Variants in HS3ST4 observed in about 807,000 individuals in gnomAD.
HS3ST4 encodes the protein heparan sulfate-glucosamine 3-sulfotransferase 4, also known as heparan sulfate glucosamine 3-O-sulfotransferase 4.
A neutral mutation model predicts 29.2 loss-of-function variants in HS3ST4; 17 were observed. The ratio of observed to expected loss-of-function variants is 0.58; its 90% CI spans 0.40 to 0.87. The LOEUF is 0.87. Among genes scored for constraint, HS3ST4 ranks in the 40% least tolerant of loss-of-function variants. The pLI is 0.00. For missense variants in HS3ST4, 627 were observed against 634.5 expected, an observed-to-expected ratio of 0.99 and a Z score of 0.13; for synonymous variants, 314 against 285.7, an observed-to-expected ratio of 1.10 and a Z score of -1.00.
chr16:25,844,822 C>T (rs1244354549), intron 1 of HS3ST4, among the ~76,000 whole-genome samples: 1 of 152,134 alleles, frequency 6.6e-6, no homozygotes, highest in Non-Finnish European at 1.5e-5. Context: ...CAATGATAAA[C>T]TGGATAAAGA....
chr16:25,724,049 G>A (rs1313816701), intron 1 of HS3ST4, among the ~76,000 whole-genome samples: 1 of 150,850 alleles, frequency 6.6e-6, no homozygotes, highest in Middle Eastern at 3.5e-3. Context: ...AGGAGGTGGA[G>A]GTTGCAGAGA....
chr16:25,808,221 C>T (rs1206816646), intron 1 of HS3ST4, among the ~76,000 whole-genome samples: 1 of 152,142 alleles, frequency 6.6e-6, no homozygotes, highest in African/African-American at 2.4e-5. Context: ...ATCCCAAAGA[C>T]TTTCATCTAT....
chr16:25,759,716 G>A (rs1966777898), intron 1 of HS3ST4, among the ~76,000 whole-genome samples: 1 of 152,120 alleles, frequency 6.6e-6, no homozygotes, highest in African/African-American at 2.4e-5. Context: ...CTTGAGGCCA[G>A]GAGTTTGAGA....
At chr16:25,840,456 A>T (rs1232950052) in intron 1 of HS3ST4, among the ~76,000 whole-genome samples, 1 of 152,226 alleles carries the variant, frequency 6.6e-6, no homozygotes, top group Non-Finnish European at 1.5e-5. Context: ...AATAACTCTC[A>T]TATTTTATTT....
At chr16:25,742,195 C>T (rs966447966) in intron 1 of HS3ST4, among the ~76,000 whole-genome samples, 7 of 152,202 alleles carry the variant, frequency 4.6e-5, no homozygotes, top group South Asian at 2.1e-4. Flanking sequence ...GCCAAACCGG[C>T]GCCTTGACAC....
chr16:26,081,253 C>T (rs1446093854), intron 1 of HS3ST4, among the ~76,000 whole-genome samples: 1 of 150,648 alleles, frequency 6.6e-6, no homozygotes, highest in Non-Finnish European at 1.5e-5. Context: ...CATCACTGCA[C>T]TCCGGCCTGG....
chr16:26,054,862 T>C (rs537345996), intron 1 of HS3ST4, among the ~76,000 whole-genome samples: 113 of 152,108 alleles, frequency 7.4e-4, no homozygotes, highest in Non-Finnish European at 1.4e-3. Context: ...TTCTGACTGC[T>C]CTTTACCTAC....
intron 1 of HS3ST4, among the ~76,000 whole-genome samples, chr16:25,781,958 A>G (rs986306133): frequency 1.1e-4 from 16 of 152,132 alleles, no homozygotes; most frequent in African/African-American, 3.9e-4. Flanking sequence ...TTGTTTTCAT[A>G]CTGCTAAAAA....
intron 1 of HS3ST4, among the ~76,000 whole-genome samples, chr16:25,831,285 G>A (rs1485781262): frequency 1.3e-4 from 19 of 151,944 alleles, no homozygotes; most frequent in Non-Finnish European, 5.9e-5. Context: ...CATACTGACC[G>A]GGCATGGTAG....
chr16:25,710,656 T>C (rs1465619399), intron 1 of HS3ST4, among the ~76,000 whole-genome samples: 1 of 151,998 alleles, frequency 6.6e-6, no homozygotes, highest in Non-Finnish European at 1.5e-5. Flanking sequence ...AGAGATTTCT[T>C]TTCCTGGTTT....
chr16:25,864,945 C>CAT (rs71158976), intron 1 of HS3ST4, among the ~76,000 whole-genome samples: 35,938 of 149,816 alleles, frequency 0.24, 4,685 homozygotes, highest in African/African-American at 0.31. Flanking sequence ...TATACACACA[C>CAT]ATATATATAT....
chr16:25,971,946 A>G (rs1013220563), intron 1 of HS3ST4, among the ~76,000 whole-genome samples: 1 of 151,920 alleles, frequency 6.6e-6, no homozygotes, highest in Non-Finnish European at 1.5e-5. Flanking sequence ...AGAAAGAAAG[A>G]AAAAAAAGAG....
chr16:25,708,276 C>T (rs1966389750), intron 1 of HS3ST4, among the ~76,000 whole-genome samples: 2 of 152,192 alleles, frequency 1.3e-5, no homozygotes, highest in South Asian at 4.1e-4. Context: ...TGGATTAACC[C>T]TGCATATTTT....
chr16:26,132,329 G>T (rs1899430796), intron 1 of HS3ST4, among the ~76,000 whole-genome samples: 1 of 152,098 alleles, frequency 6.6e-6, no homozygotes. Context: ...ATGCCACATT[G>T]GTTGAATCAT....
intron 1 of HS3ST4, among the ~76,000 whole-genome samples, chr16:25,696,290 A>G (rs1261531614): frequency 6.6e-6 from 1 of 152,194 alleles, no homozygotes; most frequent in Non-Finnish European, 1.5e-5. Context: ...GCTGATTACA[A>G]GCTGTCTAGG....
intron 1 of HS3ST4, among the ~76,000 whole-genome samples, chr16:25,907,713 C>A (rs1968193472): frequency 6.6e-6 from 1 of 152,166 alleles, no homozygotes; most frequent in Non-Finnish European, 1.5e-5. Flanking sequence ...CCCCAAAACA[C>A]ACACACAGTG....
intron 1 of HS3ST4, among the ~76,000 whole-genome samples, chr16:25,952,008 A>C (rs1199339959): frequency 1.3e-5 from 2 of 152,132 alleles, no homozygotes; most frequent in Non-Finnish European, 2.9e-5. Context: ...AGGAAAAAAA[A>C]AGAATAATAT....
intron 1 of HS3ST4, among the ~76,000 whole-genome samples, chr16:26,089,362 T>G (rs913622939): frequency 5.3e-5 from 8 of 152,178 alleles, no homozygotes; most frequent in Admixed American, 5.2e-4. Context: ...CTGACAGTAC[T>G]GATAAAGCAT....
chr16:26,066,741 G>A (rs1052612518), intron 1 of HS3ST4, among the ~76,000 whole-genome samples: 3 of 152,190 alleles, frequency 2.0e-5, no homozygotes, highest in East Asian at 3.9e-4. Context: ...CTGCCTAATT[G>A]TCACCACAGA....
Sources: allele counts gnomAD v4.1 joint callset (sites outside exome capture counted in the v4.1 genomes callset), GRCh38; gene constraint gnomAD v4.1.1; transcripts MANE v1.5; gene names NCBI Gene and HGNC (gene_info 2026-07-23, HGNC 2026-07-21).